ROBO1: variants seen among roughly 807,000 people sequenced by gnomAD.
ROBO1 encodes the protein roundabout guidance receptor 1.
Under a neutral mutation model 195.9 loss-of-function variants are expected in ROBO1, and 149 were observed. The observed-to-expected ratio is 0.76, with a 90% CI of 0.67 to 0.87. The LOEUF is 0.87. Ranked by LOEUF, ROBO1 falls within the 40% of genes least tolerant of loss-of-function variation. The pLI is 0.00. For missense variants in ROBO1, 1,933 were observed against 2,068.3 expected (o/e 0.93, Z 1.27); for synonymous variants, 816 against 733.2 (o/e 1.11, Z -1.82).
chr3:78,801,262 T>C (rs952506461), intron 4 of ROBO1, among the ~76,000 whole-genome samples: 1 of 152,226 alleles, frequency 6.6e-6, no homozygotes, highest in African/African-American at 2.4e-5. Flanking sequence ...ACATTTCTGT[T>C]CTTTTTGCTA....
At chr3:78,883,491 C>G (rs556684451) in intron 4 of ROBO1, among the ~76,000 whole-genome samples, 1 of 152,190 alleles carries the variant, frequency 6.6e-6, no homozygotes, top group South Asian at 2.1e-4. Context: ...AGGCAATCCT[C>G]CCACCTCAGC....
At chr3:79,170,399 A>G (rs1436689788) in intron 2 of ROBO1, among the ~76,000 whole-genome samples, 1 of 152,194 alleles carries the variant, frequency 6.6e-6, no homozygotes, top group Non-Finnish European at 1.5e-5. Context: ...CTCTTCTTAA[A>G]TTAGTCCAAG....
chr3:79,471,963 A>G (rs893222008), intron 2 of ROBO1, among the ~76,000 whole-genome samples: 8 of 152,088 alleles, frequency 5.3e-5, no homozygotes, highest in Non-Finnish European at 1.0e-4. Flanking sequence ...GAGGGATAAC[A>G]TTAGGAGAAA....
At chr3:79,352,466 A>G (rs2035381304) in intron 2 of ROBO1, among the ~76,000 whole-genome samples, 2 of 152,210 alleles carry the variant, frequency 1.3e-5, no homozygotes, top group Admixed American at 1.3e-4. Flanking sequence ...AACACCGTCA[A>G]CTAGACTACG....
At chr3:78,619,911 G>T (rs913267084) in intron 26 of ROBO1, among the ~76,000 whole-genome samples, 1 of 151,212 alleles carries the variant, frequency 6.6e-6, no homozygotes, top group Non-Finnish European at 1.5e-5. Flanking sequence ...CCAGCTACTC[G>T]GGAGGCTGAG....
intron 4 of ROBO1, among the ~76,000 whole-genome samples, chr3:78,754,341 G>T (rs2082872861): frequency 6.6e-6 from 1 of 152,010 alleles, no homozygotes. Flanking sequence ...AGCCTGGCAG[G>T]GTTAAAAAAA....
intron 1 of ROBO1, among the ~76,000 whole-genome samples, chr3:79,658,039 C>A (rs981091386): frequency 6.6e-6 from 1 of 151,880 alleles, no homozygotes; most frequent in Non-Finnish European, 1.5e-5. Flanking sequence ...CAAGCAATTG[C>A]AGGTAAGAAA....
At chr3:79,267,960 C>A (rs1205466477) in intron 2 of ROBO1, among the ~76,000 whole-genome samples, 2 of 151,564 alleles carry the variant, frequency 1.3e-5, no homozygotes, top group Admixed American at 1.3e-4. Context: ...TTATAAGATT[C>A]ATTCATCATC....
intron 1 of ROBO1, among the ~76,000 whole-genome samples, chr3:79,704,308 T>G (rs978266784): frequency 3.9e-5 from 6 of 151,948 alleles, no homozygotes; most frequent in Non-Finnish European, 7.4e-5. Flanking sequence ...ATACAGAATA[T>G]TTTCACTGCC....
At chr3:79,691,197 G>A (rs996030851) in intron 1 of ROBO1, among the ~76,000 whole-genome samples, 2 of 151,882 alleles carry the variant, frequency 1.3e-5, no homozygotes, top group African/African-American at 4.8e-5. Flanking sequence ...TAGCCACCTA[G>A]CAGTGACATT....
chr3:79,304,846 T>G (rs2033146319), intron 2 of ROBO1, among the ~76,000 whole-genome samples: 1 of 152,234 alleles, frequency 6.6e-6, no homozygotes. Context: ...GTAAACATTC[T>G]TTATATGGAA....
chr3:78,955,653 C>G (rs1450234035), intron 3 of ROBO1, among the ~76,000 whole-genome samples: 3 of 152,072 alleles, frequency 2.0e-5, no homozygotes, highest in Non-Finnish European at 4.4e-5. Context: ...AAGCTTTCAA[C>G]TTTTTGCATT....
chr3:79,249,442 T>C (rs2082680725), intron 2 of ROBO1, among the ~76,000 whole-genome samples: 1 of 152,206 alleles, frequency 6.6e-6, no homozygotes, highest in African/African-American at 2.4e-5. Flanking sequence ...TTTCACTTTC[T>C]CTGGTGTTTG....
At chr3:79,475,936 G>C (rs1234282465) in intron 2 of ROBO1, among the ~76,000 whole-genome samples, 1 of 151,834 alleles carries the variant, frequency 6.6e-6, no homozygotes, top group African/African-American at 2.4e-5. Context: ...TGAAGCCTTT[G>C]GATCTCCTTT....
chr3:79,322,561 A>G (rs1317182479), intron 2 of ROBO1, among the ~76,000 whole-genome samples: 2 of 152,194 alleles, frequency 1.3e-5, no homozygotes, highest in Non-Finnish European at 2.9e-5. Flanking sequence ...AAAGACAACT[A>G]GGTGAGAGAG....
intron 1 of ROBO1, among the ~76,000 whole-genome samples, chr3:79,730,639 GAC>G (rs984819350): frequency 6.6e-6 from 1 of 151,910 alleles, no homozygotes; most frequent in African/African-American, 2.4e-5. Flanking sequence ...CATTTCATTA[GAC>G]TTAATATAAA....
At chr3:79,762,872 A>C (rs560032722) in intron 1 of ROBO1, among the ~76,000 whole-genome samples, 3 of 152,174 alleles carry the variant, frequency 2.0e-5, no homozygotes, top group Non-Finnish European at 4.4e-5. Context: ...GGGCAGGCCC[A>C]TGAGGAGAAG....
At chr3:79,499,751 G>C (rs1379266861) in intron 2 of ROBO1, among the ~76,000 whole-genome samples, 1 of 152,158 alleles carries the variant, frequency 6.6e-6, no homozygotes, top group East Asian at 1.9e-4. Flanking sequence ...GTAGCTACCA[G>C]TATCTCCCGA....
chr3:79,633,495 G>C (rs1469251744), intron 1 of ROBO1, among the ~76,000 whole-genome samples: 4 of 150,568 alleles, frequency 2.7e-5, no homozygotes, highest in Non-Finnish European at 5.9e-5. Flanking sequence ...CTACATATTT[G>C]TTCTTATTTC....
Sources: gnomAD v4.1 joint callset for allele counts (sites outside exome capture counted in the v4.1 genomes callset) on GRCh38, gnomAD v4.1.1 for gene constraint, MANE v1.5 for transcripts, NCBI Gene and HGNC (gene_info 2026-07-23, HGNC 2026-07-21) for gene names.